PXN: variants seen among roughly 807,000 people sequenced by gnomAD.
PXN encodes the protein testicular tissue protein Li 134.
Under a neutral mutation model 103.6 loss-of-function variants are expected in PXN, and 61 were observed. That is an observed-to-expected ratio of 0.59 (90% CI 0.48 to 0.73). The LOEUF is 0.73. PXN is among the 30% of genes least tolerant of loss of function. PXN has a pLI of 0.00. For synonymous variants in PXN, 562 were observed against 607.8 expected (o/e 0.92, Z 1.11); for missense variants, 1,274 against 1,460.3 (o/e 0.87, Z 2.08).
chr12:120,253,640 A>G (rs1358602553), intron 1 of PXN, among the ~76,000 whole-genome samples: 2 of 152,328 alleles, frequency 1.3e-5, no homozygotes, highest in Non-Finnish European at 1.5e-5. Context: ...AATAACTACT[A>G]TCTACCTCAA....
chr12:120,240,479 T>C (rs1208566051), intron 1 of PXN, among the ~76,000 whole-genome samples: 1 of 152,116 alleles, frequency 6.6e-6, no homozygotes. Flanking sequence ...GTAAACAAGA[T>C]CTGGGCTAAA....
rs1433658213 is a variant in PXN, at chr12:120,213,046, G to T, written c.2980-466C>A. On this transcript the variant is annotated intron_variant, in intron 14 of 14. Transcript: ENST00000637617. The surrounding 1 kb of genome is among the most constrained non-coding windows in gnomAD (Gnocchi z 4.2). ...GTCTGTAGTCAAACTCTGCCTCCTA[G>T]ATTCTCATTGGAGATTCACATCACA... The T allele has an allele frequency of 6.4e-6, 1 of 156,018 alleles. No individual in the cohort carries two copies. The highest frequency in any genetic ancestry group is 2.4e-5 in the African/African-American group (1 of 41,496). 9.7% of individuals were successfully genotyped at this position (156,018 alleles called of 1,614,324 possible).
Position 120,211,026 on chromosome 12 carries a change from G to C in PXN, c.*1288C>G, listed in dbSNP as rs1157091201. The C allele has an allele frequency of 2.0e-5, 3 of 152,682 alleles. No individual in the cohort carries two copies. In the East Asian group the frequency reaches 5.8e-4, roughly 29 times the overall value. The allele number at this position is 152,682 out of a possible 1,614,324, so 9.5% of individuals were successfully genotyped here. A position where few individuals can be genotyped will look rare whatever the true frequency, so the allele number is the denominator to read the frequency against. The stretch of plus-strand genomic sequence containing the variant: ...TCAACAAGACCAAAGAGACGTCAGA[G>C]TCCTGATGGCCAAAATCAGACACCA... On this transcript the variant is annotated 3_prime_UTR_variant, in exon 15 of 15. Coordinates refer to ENST00000637617, the MANE Select transcript of PXN (RefSeq NM_001385981.1).
chr12:120,219,441 T>G lies in PXN; in HGVS notation c.1482A>C (p.Pro494=). ...AGCTGCTTCCCAGCCTCCCTGGCTC[T>G]GGCCTTGGCCTCTCCTGCTGTAGGC... ...EHGLQQERPR[P]EPGRLGSSSP... Residue 494 remains proline, a synonymous_variant, in exon 7 of 15, where the codon CCA becomes CCC. Coordinates refer to ENST00000637617, the MANE Select transcript of PXN (RefSeq NM_001385981.1). The surrounding 1 kb of genome is among the most constrained non-coding windows in gnomAD (Gnocchi z 6.5). The G allele has an allele frequency of 6.3e-7, 1 of 1,598,146 alleles. No individual in the cohort carries two copies. The highest frequency in any genetic ancestry group is 8.5e-7 in the Non-Finnish European group (1 of 1,179,530).
Position 120,228,562 on chromosome 12 carries a change from G to A in PXN, c.14-4185C>T, listed in dbSNP as rs551752748. On this transcript the variant is annotated intron_variant, in intron 1 of 14. Transcript: ENST00000637617. This position sits in a 1 kb window ranked among gnomAD's most constrained non-coding sequence, Gnocchi z 4.7. The stretch of plus-strand genomic sequence containing the variant: ...CAGCTTCTTGCCACTGGGTAACCTC[G>A]TGCAATCTTGCAATTTTCTAGCCGG... Among the ~76,000 whole-genome samples the A allele has an allele frequency of 3.3e-5, 5 of 152,350 alleles. No homozygotes were observed. The highest frequency in any genetic ancestry group is 6.5e-5 in the Admixed American group (1 of 15,306).
intron 1 of PXN, among the ~76,000 whole-genome samples, chr12:120,230,689 C>T (rs1887847041): frequency 6.7e-6 from 1 of 150,028 alleles, no homozygotes; most frequent in Admixed American, 6.7e-5. Context: ...GCAGTTAGAG[C>T]AGAGGTAATC....
chr12:120,256,771 G>A (rs1893083643), intron 1 of PXN, among the ~76,000 whole-genome samples: 1 of 152,144 alleles, frequency 6.6e-6, no homozygotes, highest in Non-Finnish European at 1.5e-5. Flanking sequence ...AGGCTGGAGT[G>A]CAGTGGCCTG....
intron 1 of PXN, among the ~76,000 whole-genome samples, chr12:120,249,154 A>G (rs538533229): frequency 1.3e-5 from 2 of 152,238 alleles, no homozygotes; most frequent in African/African-American, 4.8e-5. Context: ...ATAAATAAAT[A>G]AATAATAAAA....
Position 120,214,183 on chromosome 12 carries a change from G to A in PXN, c.2783C>T (p.Pro928Leu). The A allele has an allele frequency of 6.4e-7, 1 of 1,552,208 alleles. No homozygotes were observed. Residue 928 changes from proline (P) to leucine (L), a missense_variant, in exon 13 of 15, where the codon CCT (proline) becomes CTT (leucine). This residue lies in a region of PXN where 1,178 missense variants were observed against 1,309.0 expected (regional missense o/e 0.90). Transcript: ENST00000637617. This position sits in a 1 kb window ranked among gnomAD's most constrained non-coding sequence, Gnocchi z 5.0. ...VVTALDRTWH[P>L]EHFFCAQCGA... ...ACACTGTGCACAGAAGAAGTGTTCA[G>A]GGTGCCACGTCCGGTCAAGGGCTGT... is the stretch of plus-strand genomic sequence containing the variant.
In PXN at chr12:120,252,377, T is replaced by G. The variant is rs552617844; in HGVS notation, c.13+13240A>C. Among the ~76,000 whole-genome samples, 103 of 152,218 alleles carry G rather than the reference T, an allele frequency of 6.8e-4. 1 individual carries two copies. The highest frequency in any genetic ancestry group is 2.3e-3 in the African/African-American group (97 of 41,550). The stretch of plus-strand genomic sequence containing the variant: ...TTACACAGATCTGTAAAGTTTTACC[T>G]TAGCAGGAGGGTCAACAGGCTGGTT... On this transcript the variant is annotated intron_variant, in intron 1 of 14. Transcript: ENST00000637617.
At chr12:120,233,231 C>T (rs1174321874) in intron 1 of PXN, among the ~76,000 whole-genome samples, 1 of 152,216 alleles carries the variant, frequency 6.6e-6, no homozygotes, top group African/African-American at 2.4e-5. Flanking sequence ...ACTCTTGCTT[C>T]TCCCCCTAGA....
intron 1 of PXN, among the ~76,000 whole-genome samples, chr12:120,250,857 C>CCA (rs1555322706): frequency 0.031 from 4,689 of 151,998 alleles, 196 homozygotes; most frequent in East Asian, 0.1. Flanking sequence ...GCACTAAGTG[C>CCA]CCACCAAGGC....
intron 1 of PXN, among the ~76,000 whole-genome samples, chr12:120,244,574 G>T (rs1468195333): frequency 1.3e-5 from 2 of 151,910 alleles, no homozygotes; most frequent in Admixed American, 1.3e-4. Flanking sequence ...CGTGAACCCG[G>T]GAGGCGGAGC....
Position 120,219,863 on chromosome 12 carries a change from G to A in PXN, c.1060C>T (p.Leu354Phe). 1.3e-6 allele frequency: 2 copies of A among 1,598,438 alleles called. No individual in the cohort carries two copies. Among genetic ancestry groups the A allele is most frequent in the Non-Finnish European group, 1.7e-6 (2 of 1,179,792 alleles). ...VAPSWLDLAG[L>F]GVMPDTFNSR... ...TTGAAGGTGTCAGGCATCACCCCAAGACCAGCCAAATCAAGCCAGCTGGGG... is the reference window on the plus strand; with the variant it reads ...TTGAAGGTGTCAGGCATCACCCCAAAACCAGCCAAATCAAGCCAGCTGGGG... The change falls in exon 7 of 15, where the codon CTT (leucine) becomes TTT (phenylalanine). Residue 354 changes from leucine (L) to phenylalanine (F), a missense_variant. By Grantham distance (22) the Leu-to-Phe change is conservative. This residue lies in a region of PXN where 1,178 missense variants were observed against 1,309.0 expected (regional missense o/e 0.90). Coordinates refer to ENST00000637617, the MANE Select transcript of PXN (RefSeq NM_001385981.1). The surrounding 1 kb of genome is among the most constrained non-coding windows in gnomAD (Gnocchi z 6.5).
chr12:120,233,086 C>T (rs886555998), intron 1 of PXN, among the ~76,000 whole-genome samples: 26 of 152,204 alleles, frequency 1.7e-4, no homozygotes, highest in African/African-American at 6.0e-4. Context: ...GACTAGCATT[C>T]GAATCCATGC....
rs1329492319 is a variant in PXN, at chr12:120,217,948, C to T, written c.1717-832G>A. On this transcript the variant is annotated intron_variant, in intron 7 of 14. Coordinates refer to ENST00000637617, the MANE Select transcript of PXN (RefSeq NM_001385981.1). This position sits in a 1 kb window ranked among gnomAD's most constrained non-coding sequence, Gnocchi z 4.1. ...TTTTTTTCTTATTTATATTATTATGCTAATATTATATTATGCTATTATACT... is the reference window on the plus strand; with the variant it reads ...TTTTTTTCTTATTTATATTATTATGTTAATATTATATTATGCTATTATACT... Among the ~76,000 whole-genome samples the T allele has an allele frequency of 6.7e-6, 1 of 149,976 alleles. No homozygotes were observed. The highest frequency in any genetic ancestry group is 1.5e-5 in the Non-Finnish European group (1 of 67,678).
At position 120,219,597 on chromosome 12, in the gene PXN, C is replaced by A; in HGVS notation, c.1326G>T (p.Glu442Asp). Residue 442 changes from glutamate (E) to aspartate (D), a missense_variant, in exon 7 of 15, where the codon GAG becomes GAT. Coordinates refer to ENST00000637617, the MANE Select transcript of PXN (RefSeq NM_001385981.1). This position sits in a 1 kb window ranked among gnomAD's most constrained non-coding sequence, Gnocchi z 6.5. ...GGGGCATTCTCTCAGGCCCGAATAC[C>A]TCCGAAGCCCATGGCTGCTCCCATG... ...AATWEQPWAS[E>D]VFGPERMPPS... 6.4e-7 allele frequency: 1 copy of A among 1,565,182 alleles called. No homozygotes were observed. The highest frequency in any genetic ancestry group is 8.6e-7 in the Non-Finnish European group (1 of 1,162,932).
In PXN at chr12:120,224,047, C is replaced by A. The variant is rs1474749510; in HGVS notation, c.240+104G>T. Reference sequence around the variant, plus strand: ...GCAGTGTCTGGTTGGGAAGGGTCGACTGCCCCAATTCCATTCCATCCCCTG... The same window carrying A: ...GCAGTGTCTGGTTGGGAAGGGTCGAATGCCCCAATTCCATTCCATCCCCTG... On this transcript the variant is annotated intron_variant, in intron 2 of 14. Coordinates refer to ENST00000637617, the MANE Select transcript of PXN (RefSeq NM_001385981.1). The surrounding 1 kb of genome is among the most constrained non-coding windows in gnomAD (Gnocchi z 5.0). The A allele has an allele frequency of 4.1e-6, 4 of 975,748 alleles. No individual in the cohort carries two copies. Among genetic ancestry groups the A allele is most frequent in the Non-Finnish European group, 6.0e-6 (4 of 665,326 alleles). The allele number at this position is 975,748 out of a possible 1,614,324, so 60.4% of individuals were successfully genotyped here.
In PXN at chr12:120,219,968, G is replaced by A; in HGVS notation, c.955C>T (p.Pro319Ser). ...GTGTGGCCCTGGCCTCGAGGGGAGG[G>A]TATAGTGGTGGGTGGCAGAAATACA... ...PSVFLPPTTIPSPRGQGHTPE... is the reference protein window; with the variant it reads ...PSVFLPPTTISSPRGQGHTPE... Residue 319 changes from proline to serine, a missense_variant, in exon 7 of 15, where the codon CCC (proline) becomes TCC (serine). By Grantham distance (74) the Pro-to-Ser change is moderately conservative. Coordinates refer to ENST00000637617, the MANE Select transcript of PXN (RefSeq NM_001385981.1). The surrounding 1 kb of genome is among the most constrained non-coding windows in gnomAD (Gnocchi z 6.5). 1 of 1,594,790 alleles carries A rather than the reference G, an allele frequency of 6.3e-7. No individual in the cohort carries two copies. Among genetic ancestry groups the A allele is most frequent in the Non-Finnish European group, 8.5e-7 (1 of 1,176,638 alleles).
Sources: gnomAD v4.1 joint callset for allele counts (sites outside exome capture counted in the v4.1 genomes callset) on GRCh38, gnomAD v4.1.1 for gene constraint, gnomAD v4.1.1 regional missense constraint, Gnocchi (gnomAD v3.1) non-coding constraint, MANE v1.5 for transcripts, NCBI Gene and HGNC (gene_info 2026-07-23, HGNC 2026-07-21) for gene names.